Variants in GALNT17 observed in about 807,000 individuals in gnomAD.
The protein encoded by GALNT17 is polypeptide N-acetylgalactosaminyltransferase 17.
In GALNT17, 29 loss-of-function variants were observed where a neutral mutation model predicts 63.7. The ratio of observed to expected loss-of-function variants is 0.46; its 90% confidence interval spans 0.34 to 0.62. The LOEUF is 0.62. GALNT17 is among the 20% of genes least tolerant of loss of function. The probability of loss-of-function intolerance (pLI) is 0.01; values close to 1 mark genes in which losing one functional copy is unlikely to be tolerated. For missense variants in GALNT17, 603 were observed against 799.6 expected, an observed-to-expected ratio of 0.75 and a Z score of 2.97; for synonymous variants, 305 against 318.3, an observed-to-expected ratio of 0.96 and a Z score of 0.45.
At chr7:71,219,227 G>T (rs1379117602) in intron 1 of GALNT17, among the ~76,000 whole-genome samples, 5 of 152,184 alleles carry the variant, frequency 3.3e-5, no homozygotes, top group African/African-American at 1.2e-4. Flanking sequence ...TTCCAAGGGG[G>T]TGGAGTCAGA....
chr7:71,406,978 G>A (rs1462569595), intron 3 of GALNT17, among the ~76,000 whole-genome samples: 1 of 152,194 alleles, frequency 6.6e-6, no homozygotes. Flanking sequence ...ATGCAGAAAT[G>A]TCAAGTGTCC....
chr7:71,467,915 T>A (rs1048864237), intron 5 of GALNT17, among the ~76,000 whole-genome samples: 2 of 152,164 alleles, frequency 1.3e-5, no homozygotes, highest in African/African-American at 4.8e-5. Flanking sequence ...CTGCCAAAAT[T>A]ACACGGGCAT....
chr7:71,266,259 T>C (rs1790490595), intron 1 of GALNT17, among the ~76,000 whole-genome samples: 1 of 152,164 alleles, frequency 6.6e-6, no homozygotes, highest in African/African-American at 2.4e-5. Flanking sequence ...GGTTTGGCTC[T>C]GTGTCCCAAC....
rs532763819 is a variant in GALNT17, at chr7:71,159,929, G to C, written c.238+26889G>C. On this transcript the variant is annotated intron_variant, in intron 1 of 10. Coordinates refer to ENST00000333538, the MANE Select transcript of GALNT17 (RefSeq NM_022479.3). ...CCTGAGTAGCTGGGATTACAGGTGT[G>C]CACCACCACTCAGATCTAATTTTTA... Among the ~76,000 whole-genome samples the C allele has an allele frequency of 7.0e-3, 1,052 of 151,038 alleles. 11 individuals are homozygous for C. The highest frequency in any genetic ancestry group is 0.023 in the African/African-American group (940 of 40,616).
intron 1 of GALNT17, among the ~76,000 whole-genome samples, chr7:71,321,010 G>A (rs1791596411): frequency 6.6e-6 from 1 of 152,198 alleles, no homozygotes; most frequent in Non-Finnish European, 1.5e-5. Flanking sequence ...AATGCTAGAA[G>A]GAGTGCTTGG....
chr7:71,162,010 CTCCT>C (rs1400198414), intron 1 of GALNT17, among the ~76,000 whole-genome samples: 1 of 147,380 alleles, frequency 6.8e-6, no homozygotes, highest in Non-Finnish European at 1.5e-5. Flanking sequence ...TCCCTTCTTC[CTCCT>C]TCCTTCCTTC....
chr7:71,261,707 G>C (rs1459351883), intron 1 of GALNT17, among the ~76,000 whole-genome samples: 1 of 152,248 alleles, frequency 6.6e-6, no homozygotes, highest in Admixed American at 6.5e-5. Flanking sequence ...TGTGACAGTG[G>C]TGGTGATCGT....
intron 1 of GALNT17, among the ~76,000 whole-genome samples, chr7:71,198,434 C>G (rs1317611496): frequency 6.6e-6 from 1 of 152,150 alleles, no homozygotes; most frequent in Admixed American, 6.5e-5. Flanking sequence ...GTTCCATGCT[C>G]TTTGCTGACC....
intron 5 of GALNT17, among the ~76,000 whole-genome samples, chr7:71,544,142 T>C (rs1396221714): frequency 2.0e-5 from 3 of 148,608 alleles, no homozygotes; most frequent in East Asian, 2.0e-4. Flanking sequence ...TTTTTTTTTT[T>C]TTTTTGAGAT....
chr7:71,218,252 G>T (rs149738146), intron 1 of GALNT17, among the ~76,000 whole-genome samples: 1 of 152,144 alleles, frequency 6.6e-6, no homozygotes, highest in African/African-American at 2.4e-5. Context: ...AAAATTATCC[G>T]GCATGGTGGT....
chr7:71,420,931 T>A lies in GALNT17; in HGVS notation c.788T>A (p.Ile263Asn). 6.2e-7 allele frequency: 1 copy of A among 1,614,122 alleles called. No homozygotes were observed. The highest frequency in any genetic ancestry group is 8.5e-7 in the Non-Finnish European group (1 of 1,180,008). The change falls in exon 5 of 11, where the codon ATC (isoleucine) becomes AAC (asparagine). Residue 263 changes from isoleucine (I) to asparagine (N), a missense_variant. This residue lies in a region of GALNT17 where 336 missense variants were observed against 507.8 expected (regional missense o/e 0.66). Coordinates refer to ENST00000333538, the MANE Select transcript of GALNT17 (RefSeq NM_022479.3). ...AGWAEPVLSR[I>N]QENRKRVILP... ...AGGGCTGAGCCGGTTCTATCCCGCA[T>A]CCAGGAAAACCGGAAGCGTGTGATC...
At chr7:71,455,524 T>G (rs1323774954) in intron 5 of GALNT17, among the ~76,000 whole-genome samples, 1 of 151,880 alleles carries the variant, frequency 6.6e-6, no homozygotes, top group African/African-American at 2.4e-5. Context: ...TTTTGCATTT[T>G]AATAAGTCTG....
At chr7:71,645,283 C>T (rs57799997) in intron 6 of GALNT17, among the ~76,000 whole-genome samples, 28,581 of 152,160 alleles carry the variant, frequency 0.19, 5,772 homozygotes, top group African/African-American at 0.51. Context: ...AATTTCATCT[C>T]GAATTGTAAT....
chr7:71,284,279 C>G (rs1456210228), intron 1 of GALNT17: 1 of 154,694 alleles, frequency 6.5e-6, no homozygotes. Context: ...TCTCTGCAGC[C>G]TCTGCCTCTT....
At chr7:71,598,746 G>A (rs1311200976) in intron 6 of GALNT17, among the ~76,000 whole-genome samples, 1 of 152,116 alleles carries the variant, frequency 6.6e-6, no homozygotes, top group Non-Finnish European at 1.5e-5. Flanking sequence ...GCCAGGCCTG[G>A]GGTAATCAGA....
At chr7:71,584,707 C>T (rs759581228) in intron 6 of GALNT17, among the ~76,000 whole-genome samples, 7 of 152,184 alleles carry the variant, frequency 4.6e-5, no homozygotes, top group Non-Finnish European at 1.0e-4. Context: ...CTGCATTTGG[C>T]TGATGTGTCT....
intron 6 of GALNT17, among the ~76,000 whole-genome samples, chr7:71,597,962 T>G (rs1228318997): frequency 3.3e-5 from 5 of 151,574 alleles, no homozygotes; most frequent in Admixed American, 6.6e-5. Flanking sequence ...TTTTTTTTTT[T>G]GAGACGGAGT....
intron 1 of GALNT17, among the ~76,000 whole-genome samples, chr7:71,223,062 G>T (rs182422322): frequency 6.6e-6 from 1 of 152,272 alleles, no homozygotes; most frequent in East Asian, 1.9e-4. Context: ...AACAGGGAGA[G>T]ACCACCTGTC....
chr7:71,651,452 G>A (rs1277201589), intron 6 of GALNT17, among the ~76,000 whole-genome samples: 1 of 152,004 alleles, frequency 6.6e-6, no homozygotes, highest in Admixed American at 6.6e-5. Context: ...ACAGGTGTGT[G>A]CCACCACACC....
Sources: gnomAD v4.1 joint callset for allele counts (sites outside exome capture counted in the v4.1 genomes callset) on GRCh38, gnomAD v4.1.1 for gene constraint, gnomAD v4.1.1 regional missense constraint, MANE v1.5 for transcripts, NCBI Gene and HGNC (gene_info 2026-07-23, HGNC 2026-07-21) for gene names.